The following FHAD1 variants were observed in gnomAD, a reference collection of about 807,000 sequenced individuals.
The protein encoded by FHAD1 is forkhead-associated domain-containing protein 1.
Under a neutral mutation model 191.3 loss-of-function variants are expected in FHAD1, and 146 were observed. The ratio of observed to expected loss-of-function variants is 0.76; its 90% confidence interval spans 0.67 to 0.88. The LOEUF (loss-of-function observed/expected upper bound fraction) is 0.88. Among genes scored for constraint, FHAD1 ranks in the 40% least tolerant of loss-of-function variants. The pLI, the probability that FHAD1 is intolerant of heterozygous loss-of-function variation, is 0.00. For missense variants in FHAD1, 1,635 were observed against 1,785.8 expected (o/e 0.92, Z 1.52); for synonymous variants, 616 against 672.3 (o/e 0.92, Z 1.29).
intron 6 of FHAD1, among the ~76,000 whole-genome samples, chr1:15,308,173 T>C (rs558251): frequency 0.99 from 150,885 of 152,324 alleles, 74,735 homozygotes; most frequent in East Asian, 1. Context: ...GCTTTGTAGG[T>C]TCTAGAGTGT....
chr1:15,272,131 C>A (rs1656309706), intron 2 of FHAD1, among the ~76,000 whole-genome samples, 192 bp from the exon 3 acceptor site: 1 of 152,168 alleles, frequency 6.6e-6, no homozygotes, highest in Non-Finnish European at 1.5e-5. Flanking sequence ...ATATCCCAAG[C>A]TCCTTCACAC....
rs774222291 is a variant in FHAD1, at chr1:15,381,009, G to C, written c.3801+213G>C. ...TGGTTAGAATGAAGTGTTTATATCT[G>C]TTGTCATTTTTCACCCCCGGTTCTC... is the stretch of plus-strand genomic sequence containing the variant. On this transcript the variant is annotated intron_variant, in intron 29 of 33. Coordinates refer to ENST00000688493, the MANE Select transcript of FHAD1 (RefSeq NM_001391957.1). This position sits in a 1 kb window ranked among gnomAD's most constrained non-coding sequence, Gnocchi z 4.6. Among the ~76,000 whole-genome samples the C allele has an allele frequency of 6.6e-6, 1 of 152,146 alleles. No individual in the cohort carries two copies. Among genetic ancestry groups the C allele is most frequent in the African/African-American group, 2.4e-5 (1 of 41,414 alleles).
chr1:15,400,710 C>A (rs185054589), downstream of FHAD1, among the ~76,000 whole-genome samples: 118 of 152,308 alleles, frequency 7.7e-4, no homozygotes, highest in African/African-American at 2.7e-3. Context: ...GTTGAGAAAC[C>A]TGGTCTAGAG....
intron 32 of FHAD1, among the ~76,000 whole-genome samples, chr1:15,388,775 T>C (rs566894302): frequency 6.6e-6 from 1 of 152,272 alleles, no homozygotes; most frequent in East Asian, 1.9e-4. Flanking sequence ...TGCTCGTAAG[T>C]GCTCTTAGAA....
intron 33 of FHAD1, among the ~76,000 whole-genome samples, chr1:15,394,851 T>C (rs908422395): frequency 2.0e-5 from 3 of 152,128 alleles, no homozygotes; most frequent in Non-Finnish European, 4.4e-5. Context: ...AGGAACAGAG[T>C]TGGCAAGGTA....
At chr1:15,294,858 G>A (rs897799103) in intron 4 of FHAD1, among the ~76,000 whole-genome samples, 2 of 152,128 alleles carry the variant, frequency 1.3e-5, no homozygotes, top group Non-Finnish European at 2.9e-5. Context: ...CGTCTTGGTG[G>A]TGCTCGCCCT....
chr1:15,308,448 C>T (rs1045366409), intron 6 of FHAD1, among the ~76,000 whole-genome samples, 165 bp from the exon 7 acceptor site: 6 of 152,190 alleles, frequency 3.9e-5, no homozygotes, highest in Admixed American at 6.5e-5. Context: ...CTTGAAGGAA[C>T]AGGCCCTCCC....
At position 15,311,114 on chromosome 1, in the gene FHAD1, GGA is replaced by G. The variant is rs1440809078; in HGVS notation, c.1040-1937_1040-1936del. On this transcript the variant is annotated intron_variant, in intron 7 of 33. Transcript: ENST00000688493. This position sits in a 1 kb window ranked among gnomAD's most constrained non-coding sequence, Gnocchi z 4.1. ...CGATTGCCCCCGGCTGGCTTGCGCT[GGA>G]GAGAGTTTCCAGACCACAGCAGGGA... Among the ~76,000 whole-genome samples the G allele has an allele frequency of 1.3e-5, 2 of 152,218 alleles. No individual in the cohort carries two copies. Among genetic ancestry groups the G allele is most frequent in the Admixed American group, 6.5e-5 (1 of 15,274 alleles).
At chr1:15,251,033 G>A (rs1257879992) in intron 1 of FHAD1, among the ~76,000 whole-genome samples, 2 of 152,100 alleles carry the variant, frequency 1.3e-5, no homozygotes, top group Non-Finnish European at 2.9e-5. Context: ...GCTCCTGTCT[G>A]TAATCCCAGC....
chr1:15,271,193 G>A (rs974094944), intron 2 of FHAD1, among the ~76,000 whole-genome samples: 1 of 148,320 alleles, frequency 6.7e-6, no homozygotes, highest in Non-Finnish European at 1.5e-5. Flanking sequence ...CATGCCTGTA[G>A]TCCCAGCTAC....
At chr1:15,296,084 C>G (rs903194708) in intron 4 of FHAD1, among the ~76,000 whole-genome samples, 1 of 152,050 alleles carries the variant, frequency 6.6e-6, no homozygotes, top group Non-Finnish European at 1.5e-5. Flanking sequence ...AACGATCTGC[C>G]CAAGATCACC....
At chr1:15,396,506 G>A (rs116528089) in intron 33 of FHAD1, among the ~76,000 whole-genome samples, 3,054 of 152,024 alleles carry the variant, frequency 0.02, 51 homozygotes, top group African/African-American at 0.041. Flanking sequence ...TTTATTTTGT[G>A]TACAAAAAAA....
rs531702447 is a variant in FHAD1 at position 15,265,970 on chromosome 1, C to CAA, written c.94-6335_94-6334dup. On this transcript the variant is annotated intron_variant, in intron 2 of 33. Transcript: ENST00000688493. ...TGGGTGACAGAGCAAGACTCCATCT[C>CAA]AAAAAAAAAAAAAAAAAAAGAGAGA... Among the ~76,000 whole-genome samples, 684 of 78,638 alleles carry CAA rather than the reference C, an allele frequency of 8.7e-3. 66 individuals are homozygous for CAA. The highest frequency in any genetic ancestry group is 0.024 in the African/African-American group (459 of 18,816). The allele number at this position is 78,638 out of a possible 152,430, so 51.6% of individuals were successfully genotyped here. A position where few individuals can be genotyped will look rare whatever the true frequency, so the allele number is the denominator to read the frequency against.
intron 20 of FHAD1, among the ~76,000 whole-genome samples, chr1:15,356,355 T>C (rs568412849): frequency 2.0e-5 from 3 of 152,296 alleles, no homozygotes; most frequent in Non-Finnish European, 2.9e-5. Flanking sequence ...CATGCGGTTA[T>C]AGCCCTTTGG....
Position 15,329,490 on chromosome 1 carries a change from G to T in FHAD1, c.1855G>T (p.Val619Leu). ...LRHALSWLEE[V>L]EQLLRDLGIL... ...GCACGCGCTGTCCTGGCTGGAGGAG[G>T]TGGAGCAGCTCCTCCGGGACCTCGG... The change falls in exon 14 of 34, where the codon GTG becomes TTG. Residue 619 changes from valine (V) to leucine (L), a missense_variant. Val to Leu is a conservative substitution (Grantham distance 32). Transcript: ENST00000688493. This position sits in a 1 kb window ranked among gnomAD's most constrained non-coding sequence, Gnocchi z 5.0. 1.3e-6 allele frequency: 2 copies of T among 1,551,100 alleles called. No individual in the cohort carries two copies. Among genetic ancestry groups the T allele is most frequent in the African/African-American group, 2.7e-5 (2 of 73,170 alleles).
chr1:15,252,184 T>C (rs898851260), intron 2 of FHAD1, among the ~76,000 whole-genome samples: 13 of 152,216 alleles, frequency 8.5e-5, no homozygotes, highest in African/African-American at 2.9e-4. Context: ...AGAGGGTTCT[T>C]GGCTTTGCAC....
At position 15,312,518 on chromosome 1, in the gene FHAD1, C is replaced by T. The variant is rs1423804270; in HGVS notation, c.1040-539C>T. 6.6e-6 allele frequency among the ~76,000 whole-genome samples: 1 copy of T among 152,094 alleles called. No homozygotes were observed. Among genetic ancestry groups the T allele is most frequent in the Non-Finnish European group, 1.5e-5 (1 of 68,024 alleles). On this transcript the variant is annotated intron_variant, in intron 7 of 33. Coordinates refer to ENST00000688493, the MANE Select transcript of FHAD1 (RefSeq NM_001391957.1). This position sits in a 1 kb window ranked among gnomAD's most constrained non-coding sequence, Gnocchi z 4.7. ...GTCTACAAAAAATACAAAAATTAGC[C>T]AGGCATAGTGGCACGTACCTGTAGT... is the stretch of plus-strand genomic sequence containing the variant.
upstream of FHAD1, among the ~76,000 whole-genome samples, chr1:15,246,552 A>G (rs906403736): frequency 6.8e-6 from 1 of 147,882 alleles, no homozygotes; most frequent in African/African-American, 2.5e-5. Flanking sequence ...CCGGCTGACA[A>G]GCGGTTTCTT....
rs183028982 is a variant in FHAD1, at chr1:15,240,773, A to G, written c.-15+4012A>G. 1.1e-4 allele frequency among the ~76,000 whole-genome samples: 17 copies of G among 151,848 alleles called. No homozygotes were observed. In the East Asian group the frequency reaches 3.1e-3, roughly 28 times the overall value. On this transcript the variant is annotated intron_variant, in intron 1 of 33. Transcript: ENST00000683790. Reference sequence around the variant, plus strand: ...GGAGTTTGAGATCAGCCTGGCCAATATGGTGAAACCCCTTCTCCACTAAAA... The same window carrying G: ...GGAGTTTGAGATCAGCCTGGCCAATGTGGTGAAACCCCTTCTCCACTAAAA...
Sources: allele counts gnomAD v4.1 joint callset (sites outside exome capture counted in the v4.1 genomes callset), GRCh38; gene constraint gnomAD v4.1.1; non-coding constraint Gnocchi (gnomAD v3.1); transcripts MANE v1.5; gene names NCBI Gene and HGNC (gene_info 2026-07-23, HGNC 2026-07-21).